The following PARP16 variants were observed in gnomAD, a reference collection of about 807,000 sequenced individuals.
The protein encoded by PARP16 is poly(ADP-ribose) polymerase family member 16, also known as protein mono-ADP-ribosyltransferase PARP16.
A neutral mutation model predicts 35.0 loss-of-function variants in PARP16; 31 were observed. The observed-to-expected ratio is 0.88, with a 90% CI of 0.66 to 1.19. The LOEUF is 1.19. PARP16 is among the 50% of genes most tolerant of loss of function. The probability of loss-of-function intolerance (pLI) is 0.00; values close to 1 mark genes in which losing one functional copy is unlikely to be tolerated. For synonymous variants in PARP16, 162 were observed against 169.5 expected, an observed-to-expected ratio of 0.96 and a Z score of 0.34; for missense variants, 424 against 411.2, an observed-to-expected ratio of 1.03 and a Z score of -0.27.
At chr15:65,236,071 C>T (rs947715485) in intron 3 of PARP16, among the ~76,000 whole-genome samples, 1 of 151,954 alleles carries the variant, frequency 6.6e-6, no homozygotes, top group Non-Finnish European at 1.5e-5. Context: ...GTTGGCCAAG[C>T]TGGTCTCAAA....
intron 2 of PARP16, among the ~76,000 whole-genome samples, chr15:65,251,227 T>C (rs2089350313): frequency 6.6e-6 from 1 of 152,108 alleles, no homozygotes; most frequent in African/African-American, 2.4e-5. Flanking sequence ...CTTGTGGGGA[T>C]AGTCCAAGGG....
At chr15:65,232,950 C>T (rs918055525), downstream of PARP16, among the ~76,000 whole-genome samples, 1 of 152,002 alleles carries the variant, frequency 6.6e-6, no homozygotes, top group Non-Finnish European at 1.5e-5. Context: ...GGTGGTGCCA[C>T]TGCACTCCAG....
At chr15:65,266,473 A>C (rs918718155) in intron 3 of PARP16, 89 bp downstream of exon 3, 5 of 1,131,672 alleles carry the variant, frequency 4.4e-6, no homozygotes, top group South Asian at 1.3e-5. Flanking sequence ...CCCCACCTGC[A>C]AACTCCTAGG....
At chr15:65,250,849 G>A (rs1408404844) in intron 2 of PARP16, among the ~76,000 whole-genome samples, 2 of 152,128 alleles carry the variant, frequency 1.3e-5, no homozygotes, top group African/African-American at 2.4e-5. Flanking sequence ...AGTGGCGCGC[G>A]TGTGTGTGTT....
chr15:65,285,115 C>T (rs897807521), intron 1 of PARP16, among the ~76,000 whole-genome samples: 16 of 150,462 alleles, frequency 1.1e-4, no homozygotes, highest in African/African-American at 3.2e-4. Context: ...TAGAAAAGTT[C>T]GCCCAATAAC....
chr15:65,241,353 C>T (rs1319018629), intron 3 of PARP16, among the ~76,000 whole-genome samples: 4 of 152,236 alleles, frequency 2.6e-5, no homozygotes, highest in Non-Finnish European at 5.9e-5. Flanking sequence ...GTTGGCCAGG[C>T]TGGTCTCGAA....
chr15:65,276,949 T>C (rs1262693285), intron 1 of PARP16, among the ~76,000 whole-genome samples: 1 of 150,016 alleles, frequency 6.7e-6, no homozygotes, highest in African/African-American at 2.5e-5. Flanking sequence ...GCCACTGCAC[T>C]CCAACCTGGG....
intron 3 of PARP16, among the ~76,000 whole-genome samples, chr15:65,237,316 C>A (rs1172360586): frequency 6.6e-6 from 1 of 152,142 alleles, no homozygotes; most frequent in Non-Finnish European, 1.5e-5. Flanking sequence ...GTGAGTCACC[C>A]CTTATTTGTC....
chr15:65,281,276 A>C (rs1167969507), intron 1 of PARP16, among the ~76,000 whole-genome samples: 1 of 152,232 alleles, frequency 6.6e-6, no homozygotes, highest in African/African-American at 2.4e-5. Flanking sequence ...CCCTGGTCCC[A>C]AAAAGCAAGG....
downstream of PARP16, among the ~76,000 whole-genome samples, chr15:65,255,583 T>A (rs1246698780): frequency 1.3e-5 from 2 of 151,862 alleles, no homozygotes; most frequent in East Asian, 3.9e-4. Flanking sequence ...ACGTACCTGC[T>A]ATCTCATGTC....
chr15:65,266,546 G>T lies in PARP16; in HGVS notation c.519+16C>A. 6.2e-7 allele frequency: 1 copy of T among 1,601,388 alleles called. No homozygotes were observed. Among genetic ancestry groups the T allele is most frequent in the Non-Finnish European group, 8.6e-7 (1 of 1,168,422 alleles). The stretch of plus-strand genomic sequence containing the variant: ...CCCTGCTTCCCCACATCAGCAGGGT[G>T]TCCCTTAGGCCCCACCTTGTTCAGA... On this transcript the variant is annotated intron_variant, in intron 3 of 5. Coordinates refer to ENST00000649807, the MANE Select transcript of PARP16 (RefSeq NM_001316943.2).
chr15:65,278,641 G>A (rs1305514140), intron 1 of PARP16, among the ~76,000 whole-genome samples: 4 of 152,178 alleles, frequency 2.6e-5, no homozygotes, highest in Non-Finnish European at 2.9e-5. Flanking sequence ...TCCTGGGGAG[G>A]AGGTGGCCCA....
chr15:65,278,475 A>T (rs2090323356), intron 1 of PARP16, among the ~76,000 whole-genome samples: 1 of 152,248 alleles, frequency 6.6e-6, no homozygotes, highest in Admixed American at 6.5e-5. Flanking sequence ...AATGGTGAGC[A>T]GAGCTGAGAG....
downstream of PARP16, among the ~76,000 whole-genome samples, chr15:65,256,682 C>T (rs2089521502): frequency 6.6e-6 from 1 of 152,110 alleles, no homozygotes; most frequent in Non-Finnish European, 1.5e-5. Flanking sequence ...GCTGGGATTA[C>T]AGGCGTGAGC....
chr15:65,253,492 G>A (rs1421019954), downstream of PARP16, among the ~76,000 whole-genome samples: 1 of 151,336 alleles, frequency 6.6e-6, no homozygotes, highest in African/African-American at 2.4e-5. Context: ...CACTACGCCC[G>A]GCTAATTTTT....
rs201638628 is a variant in PARP16, at chr15:65,261,057, T to G, written c.692-31A>C. ...TAAGGAGAGTAAAACACATCTTCAC[T>G]GGGGGAAACAGAACTAAGGAAGCAC... On this transcript the variant is annotated intron_variant, in intron 4 of 5. Coordinates refer to ENST00000649807, the MANE Select transcript of PARP16 (RefSeq NM_001316943.2). 2.9e-4 allele frequency: 464 copies of G among 1,602,276 alleles called. 2 individuals carry two copies. The highest frequency in any genetic ancestry group is 3.9e-4 in the Admixed American group (23 of 59,730).
downstream of PARP16, among the ~76,000 whole-genome samples, chr15:65,232,925 A>C (rs2088797511): frequency 6.8e-6 from 1 of 147,626 alleles, no homozygotes; most frequent in African/African-American, 2.5e-5. Context: ...ACAAACAAAA[A>C]AAACAGTTGA....
At chr15:65,251,271 C>T (rs553962151) in intron 2 of PARP16, among the ~76,000 whole-genome samples, 2 of 152,244 alleles carry the variant, frequency 1.3e-5, no homozygotes, top group South Asian at 2.1e-4. Flanking sequence ...TCCAGACTCA[C>T]TAGTTTGGAA....
intron 3 of PARP16, 26 bp from the exon 4 acceptor site, chr15:65,263,346 G>C: frequency 2.6e-6 from 4 of 1,541,508 alleles, no homozygotes; most frequent in Non-Finnish European, 3.5e-6. Flanking sequence ...CAATGGAAAA[G>C]AAACACAGAT....
Sources: allele counts gnomAD v4.1 joint callset (sites outside exome capture counted in the v4.1 genomes callset), GRCh38; gene constraint gnomAD v4.1.1; transcripts MANE v1.5; gene names NCBI Gene and HGNC (gene_info 2026-07-23, HGNC 2026-07-21).